Variants in WDR19 observed in about 807,000 individuals in gnomAD.
WDR19 encodes the protein WD repeat-containing protein 19.
A neutral mutation model predicts 180.0 loss-of-function variants in WDR19; 121 were observed. The ratio of observed to expected loss-of-function variants is 0.67; its 90% CI spans 0.58 to 0.78. The LOEUF (loss-of-function observed/expected upper bound fraction) is 0.78, where lower values mean the gene tolerates loss of function less well. Ranked by LOEUF, WDR19 falls within the 30% of genes least tolerant of loss-of-function variation. WDR19 has a pLI of 0.00. For synonymous variants in WDR19, 497 were observed against 540.7 expected (o/e 0.92, Z 1.12); for missense variants, 1,450 against 1,640.7 (o/e 0.88, Z 2.01).
At chr4:39,194,076 T>A (rs981108732) in intron 4 of WDR19, among the ~76,000 whole-genome samples, 11 of 152,244 alleles carry the variant, frequency 7.2e-5, no homozygotes, top group African/African-American at 2.4e-4. Flanking sequence ...TTCTACCTGC[T>A]TTTGAGCTAC....
rs2109322883 is a variant in WDR19, at chr4:39,214,661, G to A, written c.951G>A (p.Glu317=). The part of the protein sequence containing the change: ...KDMYVILNLD[E]ENKGLGTLSW... ...TGTATGTTATACTCAACCTGGATGA[G>A]GAAAATAAAGGTATTGATTTTTCTG... The change falls in exon 10 of 37, where the codon GAG becomes GAA. Residue 317 remains glutamate, a synonymous_variant. Transcript: ENST00000399820. 1 of 1,573,202 alleles carries A rather than the reference G, an allele frequency of 6.4e-7. No individual in the cohort carries two copies. The highest frequency in any genetic ancestry group is 1.2e-5 in the South Asian group (1 of 85,578).
At chr4:39,246,654 C>T (rs1732556217) in intron 24 of WDR19, among the ~76,000 whole-genome samples, 1 of 152,212 alleles carries the variant, frequency 6.6e-6, no homozygotes, top group African/African-American at 2.4e-5. Context: ...CACTCCCACC[C>T]TAATACTGTG....
At position 39,205,704 on chromosome 4, in the gene WDR19, T is replaced by C. The variant is rs758064068; in HGVS notation, c.858T>C (p.Thr286=). 1.9e-6 allele frequency: 3 copies of C among 1,608,024 alleles called. No individual in the cohort carries two copies. In the South Asian group the frequency reaches 3.3e-5, roughly 18 times the overall value. Residue 286 remains threonine, a synonymous_variant, in exon 9 of 37, where the codon ACT becomes ACC. Coordinates refer to ENST00000399820, the MANE Select transcript of WDR19 (RefSeq NM_025132.4). ...TAACCAGCATTGCAGTATCACAGAC[T>C]CTTAACAAAGTTGCTACATGTGGAG... ...DNLTSIAVSQ[T]LNKVATCGDN...
At chr4:39,193,384 T>A (rs1054137053) in intron 4 of WDR19, among the ~76,000 whole-genome samples, 22 of 152,072 alleles carry the variant, frequency 1.4e-4, no homozygotes, top group Admixed American at 1.2e-3. Flanking sequence ...GGTCTCGAAC[T>A]CCTGATCTTG....
chr4:39,241,632 A>C (rs1307455690), intron 21 of WDR19, among the ~76,000 whole-genome samples: 1 of 151,866 alleles, frequency 6.6e-6, no homozygotes, highest in Non-Finnish European at 1.5e-5. Flanking sequence ...CCCTGTCTCT[A>C]ATAAAAATAC....
chr4:39,182,549 A>G lies in WDR19; in HGVS notation c.-9A>G, dbSNP rs60800612. 14,214 of 1,613,434 alleles carry G rather than the reference A, an allele frequency of 8.8e-3. 1,024 individuals carry two copies. The African/African-American group carries it at 0.16, about 18-fold the overall frequency. On this transcript the variant is annotated 5_prime_UTR_variant, in exon 1 of 37. Coordinates refer to ENST00000399820, the MANE Select transcript of WDR19 (RefSeq NM_025132.4). Reference sequence around the variant, plus strand: ...ACTTCATAGTTCGCGTAGCGGCTCGAGCGTGGAGATGAAGGTAAATAACTT... The same window carrying G: ...ACTTCATAGTTCGCGTAGCGGCTCGGGCGTGGAGATGAAGGTAAATAACTT...
intron 29 of WDR19, among the ~76,000 whole-genome samples, chr4:39,266,610 A>G (rs186532880): frequency 6.6e-6 from 1 of 152,284 alleles, no homozygotes; most frequent in African/African-American, 2.4e-5. Flanking sequence ...ACCACATACA[A>G]TTTTTCTCAA....
chr4:39,189,307 G>A (rs999220582), intron 3 of WDR19, among the ~76,000 whole-genome samples: 2 of 152,082 alleles, frequency 1.3e-5, no homozygotes, highest in Non-Finnish European at 2.9e-5. Flanking sequence ...ATTATGTCTC[G>A]ATTCCAGATG....
At chr4:39,182,689 G>T in intron 1 of WDR19, 126 bp downstream of exon 1, 1 of 1,433,160 alleles carries the variant, frequency 7.0e-7, no homozygotes. Context: ...GAGAGAGAGA[G>T]AGAGAGGTGG....
intron 14 of WDR19, chr4:39,218,922 A>G (rs1049603644): frequency 6.6e-6 from 1 of 152,096 alleles, no homozygotes; most frequent in Non-Finnish European, 1.5e-5. Flanking sequence ...AAACACACAC[A>G]TTAGTGCAGG....
At chr4:39,234,615 A>G in intron 19 of WDR19, 151 bp from the exon 20 acceptor site, 1 of 636,734 alleles carries the variant, frequency 1.6e-6, no homozygotes, top group East Asian at 2.8e-5. Flanking sequence ...TTGAGAATAC[A>G]TACTATAGTA....
chr4:39,282,188 A>G (rs1736606369), intron 36 of WDR19, among the ~76,000 whole-genome samples: 1 of 152,100 alleles, frequency 6.6e-6, no homozygotes, highest in Non-Finnish European at 1.5e-5. Context: ...CCCTGCCCAC[A>G]CTCAAGAGGA....
At chr4:39,187,767 A>C (rs1725723458) in intron 3 of WDR19, among the ~76,000 whole-genome samples, 1 of 152,158 alleles carries the variant, frequency 6.6e-6, no homozygotes, top group African/African-American at 2.4e-5. Context: ...TGTGACATCT[A>C]TTTCTGTTAC....
intron 4 of WDR19, among the ~76,000 whole-genome samples, chr4:39,191,998 G>A (rs1441241445): frequency 1.3e-5 from 2 of 152,064 alleles, no homozygotes; most frequent in African/African-American, 4.8e-5. Flanking sequence ...GGGTTTCTAC[G>A]GGCCTTATAT....
intron 24 of WDR19, among the ~76,000 whole-genome samples, chr4:39,252,158 T>C (rs10017848): frequency 0.08 from 11,859 of 148,558 alleles, 1,488 homozygotes; most frequent in African/African-American, 0.28. Context: ...CACATATACA[T>C]CATGGAATAC....
chr4:39,226,476 G>C (rs761594475), intron 15 of WDR19, among the ~76,000 whole-genome samples: 1 of 152,084 alleles, frequency 6.6e-6, no homozygotes, highest in Non-Finnish European at 1.5e-5. Flanking sequence ...AATCTTTTTT[G>C]AAAACAGTTC....
rs773523277 is a variant in WDR19 at position 39,205,553 on chromosome 4, T to C, written c.717-10T>C. The stretch of plus-strand genomic sequence containing the variant: ...CCTTGTTTACCATATTGTTGCCTTC[T>C]TTGCTATAGGTATGGTGATGGCCGC... On this transcript the variant is annotated splice_polypyrimidine_tract_variant and intron_variant, in intron 8 of 36. Transcript: ENST00000399820. The C allele has an allele frequency of 6.2e-7, 1 of 1,606,966 alleles. No individual in the cohort carries two copies. The highest frequency in any genetic ancestry group is 8.5e-7 in the Non-Finnish European group (1 of 1,176,074).
At chr4:39,212,667 G>T (rs1302915745) in intron 9 of WDR19, among the ~76,000 whole-genome samples, 1 of 152,050 alleles carries the variant, frequency 6.6e-6, no homozygotes, top group Non-Finnish European at 1.5e-5. Context: ...AAGATAAGCT[G>T]CAAAATGAGA....
At chr4:39,263,817 G>A (rs1041057427) in intron 28 of WDR19, among the ~76,000 whole-genome samples, 4 of 151,886 alleles carry the variant, frequency 2.6e-5, no homozygotes, top group African/African-American at 4.8e-5. Flanking sequence ...CCAGCTACTC[G>A]GGAGGCTGAG....
Sources: allele counts gnomAD v4.1 joint callset (sites outside exome capture counted in the v4.1 genomes callset), GRCh38; gene constraint gnomAD v4.1.1; transcripts MANE v1.5; gene names NCBI Gene and HGNC (gene_info 2026-07-23, HGNC 2026-07-21).